The following TRAF3IP1 variants were observed in gnomAD, a reference collection of about 807,000 sequenced individuals.
TRAF3IP1 encodes the protein TRAF3-interacting protein 1.
Under a neutral mutation model 89.9 loss-of-function variants are expected in TRAF3IP1, and 53 were observed. The observed-to-expected ratio is 0.59, with a 90% CI of 0.47 to 0.74. The LOEUF (loss-of-function observed/expected upper bound fraction) is 0.74. Among genes scored for constraint, TRAF3IP1 ranks in the 30% least tolerant of loss-of-function variants. TRAF3IP1 has a pLI of 0.00. For synonymous variants in TRAF3IP1, 311 were observed against 322.1 expected (o/e 0.97, Z 0.37); for missense variants, 806 against 866.1 (o/e 0.93, Z 0.87).
intron 5 of TRAF3IP1, among the ~76,000 whole-genome samples, chr2:238,330,363 C>T (rs1213863161): frequency 1.3e-5 from 2 of 152,222 alleles, no homozygotes; most frequent in Admixed American, 6.5e-5. Context: ...TGAATTCTTT[C>T]TGGACCCACC....
chr2:238,335,261 A>T (rs751752841), intron 7 of TRAF3IP1, among the ~76,000 whole-genome samples: 2 of 151,088 alleles, frequency 1.3e-5, no homozygotes, highest in African/African-American at 4.9e-5. Flanking sequence ...TTTATCATAC[A>T]TTTTTTTTTA....
chr2:238,386,347 C>T (rs1368499656), intron 15 of TRAF3IP1, among the ~76,000 whole-genome samples: 1 of 152,166 alleles, frequency 6.6e-6, no homozygotes, highest in East Asian at 1.9e-4. Flanking sequence ...GAGTCTCACT[C>T]TGTCTCCCAG....
At chr2:238,372,875 A>T (rs1159699100) in intron 15 of TRAF3IP1, among the ~76,000 whole-genome samples, 2 of 152,120 alleles carry the variant, frequency 1.3e-5, no homozygotes, top group African/African-American at 4.8e-5. Context: ...CATTTTTCTG[A>T]TGACCAGTGA....
intron 15 of TRAF3IP1, among the ~76,000 whole-genome samples, chr2:238,381,694 A>C (rs77336353): frequency 1.7e-3 from 265 of 152,282 alleles, no homozygotes; most frequent in African/African-American, 6.2e-3. Context: ...ATAAACATTC[A>C]TTTGCACCAC....
rs561725203 is a variant in TRAF3IP1 at position 238,330,480 on chromosome 2, G to T, written c.915+1138G>T. ...GTTGGAAATCATCTTGTCTCCAGCT[G>T]CTAGGAAGGAGGACACTGAGGTCGG... On this transcript the variant is annotated intron_variant, in intron 5 of 16. Transcript: ENST00000373327. 4.9e-4 allele frequency among the ~76,000 whole-genome samples: 74 copies of T among 152,320 alleles called. 1 individual carries two copies. In the East Asian group the frequency reaches 0.01, roughly 21 times the overall value.
At chr2:238,333,848 A>G (rs1429611464) in intron 6 of TRAF3IP1, 112 bp from the exon 7 acceptor site, 1 of 868,218 alleles carries the variant, frequency 1.2e-6, no homozygotes, top group Non-Finnish European at 1.8e-6. Context: ...TATGGGCACT[A>G]TTGCTGGATT....
intron 7 of TRAF3IP1, among the ~76,000 whole-genome samples, chr2:238,336,613 G>A (rs1698400032): frequency 6.6e-6 from 1 of 151,986 alleles, no homozygotes; most frequent in Non-Finnish European, 1.5e-5. Flanking sequence ...TATAATTTTT[G>A]CTTATTTCTA....
At position 238,324,153 on chromosome 2, in the gene TRAF3IP1, C is replaced by T. The variant is rs116437782; in HGVS notation, c.124-1153C>T. On this transcript the variant is annotated intron_variant, in intron 1 of 16. Transcript: ENST00000373327. ...CATGATTCTGACTCACTCCAACCTC[C>T]ACCTCCCGGGTTCAAACAATTCTGT... Among the ~76,000 whole-genome samples, 187 of 152,238 alleles carry T rather than the reference C, an allele frequency of 1.2e-3. 4 individuals carry two copies. The highest frequency in any genetic ancestry group is 1.6e-3 in the Non-Finnish European group (108 of 68,006).
At chr2:238,322,267 A>G (rs1697587895) in intron 1 of TRAF3IP1, among the ~76,000 whole-genome samples, 1 of 152,170 alleles carries the variant, frequency 6.6e-6, no homozygotes, top group Non-Finnish European at 1.5e-5. Context: ...GTCCCACTGA[A>G]ATGCAGAGCC....
intron 15 of TRAF3IP1, among the ~76,000 whole-genome samples, chr2:238,359,197 A>G (rs1163591709): frequency 6.6e-6 from 1 of 152,330 alleles, no homozygotes; most frequent in East Asian, 1.9e-4. Context: ...CAGATAGGCC[A>G]CTTTCCTCCT....
chr2:238,354,887 T>A (rs2106329764), intron 14 of TRAF3IP1, among the ~76,000 whole-genome samples: 1 of 151,920 alleles, frequency 6.6e-6, no homozygotes, highest in South Asian at 2.1e-4. Flanking sequence ...CCTGACCTTG[T>A]GATCGGCCCC....
intron 5 of TRAF3IP1, among the ~76,000 whole-genome samples, chr2:238,329,831 G>C (rs1447972747): frequency 1.3e-5 from 2 of 152,212 alleles, no homozygotes; most frequent in Non-Finnish European, 1.5e-5. Context: ...TTGATCAATT[G>C]ATGGTGGTTT....
At chr2:238,356,262 C>T (rs1373815218) in intron 15 of TRAF3IP1, among the ~76,000 whole-genome samples, 182 bp downstream of exon 15, 1 of 152,190 alleles carries the variant, frequency 6.6e-6, no homozygotes, top group African/African-American at 2.4e-5. Flanking sequence ...CTTGGGAGGC[C>T]AGCGCAGACA....
chr2:238,383,924 T>G (rs1210044900), intron 15 of TRAF3IP1, among the ~76,000 whole-genome samples: 1 of 152,236 alleles, frequency 6.6e-6, no homozygotes, highest in Non-Finnish European at 1.5e-5. Flanking sequence ...TCTGTCATCT[T>G]GCTCCTTGTT....
In TRAF3IP1 at chr2:238,328,700, T is replaced by C. The variant is rs1160992349; in HGVS notation, c.369T>C (p.Asp123=). 1.2e-6 allele frequency: 2 copies of C among 1,613,882 alleles called. No individual in the cohort carries two copies. Among genetic ancestry groups the C allele is most frequent in the East Asian group, 2.2e-5 (1 of 44,880 alleles). The change falls in exon 4 of 17, where the codon GAT becomes GAC. Residue 123 remains aspartate, a synonymous_variant. Transcript: ENST00000373327. ...TGGACGACAAGCTCTCTAGTGACGA[T>C]GCGGTGCGGAGGGTTTTAGCTGGAG... ...KCCLNKLSSD[D]AVRRVLAGEK... is the part of the protein sequence containing the mutation.
At chr2:238,346,453 T>C (rs1222958082) in intron 9 of TRAF3IP1, among the ~76,000 whole-genome samples, 2 of 152,158 alleles carry the variant, frequency 1.3e-5, no homozygotes, top group African/African-American at 4.8e-5. Flanking sequence ...TAGAGTCCTC[T>C]AGAGCCTCCC....
chr2:238,340,846 TAG>T (rs67240549), intron 8 of TRAF3IP1, among the ~76,000 whole-genome samples: 2,440 of 150,404 alleles, frequency 0.016, 22 homozygotes, highest in Middle Eastern at 0.034. Flanking sequence ...TATATATATA[TAG>T]AGAGAGAGAG....
chr2:238,392,288 C>T (rs1338586683), intron 15 of TRAF3IP1, among the ~76,000 whole-genome samples: 1 of 152,156 alleles, frequency 6.6e-6, no homozygotes, highest in Non-Finnish European at 1.5e-5. Context: ...CTTACAGAAC[C>T]ATAGTACATT....
intron 15 of TRAF3IP1, among the ~76,000 whole-genome samples, chr2:238,356,392 G>C (rs992751520): frequency 1.3e-5 from 2 of 152,180 alleles, no homozygotes; most frequent in Non-Finnish European, 1.5e-5. Flanking sequence ...AGCTACTTGG[G>C]GGGCTGAGGC....
Sources: allele counts gnomAD v4.1 joint callset (sites outside exome capture counted in the v4.1 genomes callset), GRCh38; gene constraint gnomAD v4.1.1; transcripts MANE v1.5; gene names NCBI Gene and HGNC (gene_info 2026-07-23, HGNC 2026-07-21).